The following CTNND2 variants were observed in gnomAD, a reference collection of about 807,000 sequenced individuals.
CTNND2 encodes the protein catenin delta-2.
CTNND2 carries 22 observed loss-of-function variants against 144.4 expected under a neutral mutation model. The ratio of observed to expected loss-of-function variants is 0.15; its 90% CI spans 0.11 to 0.22. The LOEUF (loss-of-function observed/expected upper bound fraction) is 0.22. Ranked by LOEUF, CTNND2 falls within the 10% of genes least tolerant of loss-of-function variation. The pLI is 1.00. For missense variants in CTNND2, 1,353 were observed against 1,618.8 expected, an observed-to-expected ratio of 0.84 and a Z score of 2.82; for synonymous variants, 751 against 695.6, an observed-to-expected ratio of 1.08 and a Z score of -1.25.
intron 5 of CTNND2, 31 bp from the exon 6 acceptor site, chr5:11,397,234 GAC>G: frequency 6.3e-7 from 1 of 1,593,622 alleles, no homozygotes; most frequent in Non-Finnish European, 8.6e-7. Flanking sequence ...AGCAGTCAGT[GAC>G]AGTCTCAGTG....
intron 18 of CTNND2, among the ~76,000 whole-genome samples, chr5:10,995,371 TGAG>T (rs990272023): frequency 1.1e-4 from 16 of 151,748 alleles, no homozygotes; most frequent in African/African-American, 3.4e-4. Context: ...GAGCAATGCG[TGAG>T]GAGGAGAAGG....
intron 1 of CTNND2, among the ~76,000 whole-genome samples, chr5:11,892,753 G>T (rs1396250099): frequency 6.6e-6 from 1 of 151,648 alleles, no homozygotes; most frequent in Non-Finnish European, 1.5e-5. Context: ...TAGCTAAAAT[G>T]ATAAATAACT....
At chr5:11,140,109 T>G (rs1756578197) in intron 12 of CTNND2, among the ~76,000 whole-genome samples, 1 of 152,206 alleles carries the variant, frequency 6.6e-6, no homozygotes, top group African/African-American at 2.4e-5. Context: ...AATTTTCCCT[T>G]GCCATGTAAT....
chr5:11,761,720 GT>G (rs140443520), intron 1 of CTNND2, among the ~76,000 whole-genome samples: 4,752 of 152,218 alleles, frequency 0.031, 104 homozygotes, highest in Non-Finnish European at 0.044. Flanking sequence ...AGGAAACTCT[GT>G]TTTGGCTGTA....
In CTNND2 at chr5:11,856,950, T is replaced by C. The variant is rs540543152; in HGVS notation, c.37+46867A>G. Among the ~76,000 whole-genome samples the C allele has an allele frequency of 2.1e-4, 32 of 152,262 alleles. No individual in the cohort carries two copies. The East Asian group carries it at 2.1e-3, about 10-fold the overall frequency. ...TTATTTATTTTCAAAATTATCAAAT[T>C]CCCAAACAACCCACTTAAATAGTTG... On this transcript the variant is annotated intron_variant, in intron 1 of 21. Coordinates refer to ENST00000304623, the MANE Select transcript of CTNND2 (RefSeq NM_001332.4).
intron 3 of CTNND2, among the ~76,000 whole-genome samples, chr5:11,551,038 C>T (rs1333522977): frequency 6.6e-6 from 1 of 152,126 alleles, no homozygotes; most frequent in East Asian, 1.9e-4. Flanking sequence ...GTAAGGCCAC[C>T]CTCTCTAACG....
chr5:11,337,010 G>T (rs1322524572), intron 9 of CTNND2, among the ~76,000 whole-genome samples: 2 of 152,122 alleles, frequency 1.3e-5, no homozygotes, highest in Non-Finnish European at 2.9e-5. Flanking sequence ...TCCACAACGT[G>T]GGAACCAACT....
Position 11,397,119 on chromosome 5 carries a change from T to C in CTNND2, c.524A>G (p.Asn175Ser), listed in dbSNP as rs1312895219. The change falls in exon 6 of 22, where the codon AAC (asparagine) becomes AGC (serine). Residue 175 changes from asparagine (N) to serine (S), a missense_variant. Asn to Ser is a conservative substitution (Grantham distance 46). Transcript: ENST00000304623. ...GGTTTCCCCCAGGGCCAGGGTCTGG[T>C]TGCTATGGTAGCTGGCCGGATACTG... is the stretch of plus-strand genomic sequence containing the variant. ...SFQYPASYHSNQTLALGETTP... is the reference protein window; with the variant it reads ...SFQYPASYHSSQTLALGETTP... 1 of 1,614,196 alleles carries C rather than the reference T, an allele frequency of 6.2e-7. No individual in the cohort carries two copies. The highest frequency in any genetic ancestry group is 8.5e-7 in the Non-Finnish European group (1 of 1,180,038).
At chr5:11,303,180 G>A (rs373681950) in intron 9 of CTNND2, among the ~76,000 whole-genome samples, 3 of 152,170 alleles carry the variant, frequency 2.0e-5, no homozygotes, top group African/African-American at 4.8e-5. Flanking sequence ...GCAGCTTCTC[G>A]AAAATACAGC....
chr5:11,595,054 C>T (rs775792001), intron 2 of CTNND2, among the ~76,000 whole-genome samples: 17 of 152,112 alleles, frequency 1.1e-4, no homozygotes, highest in Non-Finnish European at 2.4e-4. Flanking sequence ...TTCCAAGGGA[C>T]ACGGGGAAGC....
At chr5:10,985,443 G>A (rs1677451447) in intron 20 of CTNND2, among the ~76,000 whole-genome samples, 1 of 152,220 alleles carries the variant, frequency 6.6e-6, no homozygotes, top group African/African-American at 2.4e-5. Context: ...TCCAGAAAAG[G>A]AGGGTGGGGG....
chr5:11,223,786 C>T (rs1383667402), intron 10 of CTNND2, among the ~76,000 whole-genome samples: 2 of 152,230 alleles, frequency 1.3e-5, no homozygotes, highest in East Asian at 3.9e-4. Flanking sequence ...GGAAAATCTC[C>T]AAGGCCAAGA....
intron 1 of CTNND2, among the ~76,000 whole-genome samples, chr5:11,778,218 A>G (rs1431881641): frequency 1.3e-5 from 2 of 151,884 alleles, no homozygotes; most frequent in Non-Finnish European, 2.9e-5. Context: ...CTTACATCCA[A>G]TCCCATCCTA....
In CTNND2 at chr5:11,903,286, C is replaced by T; in HGVS notation, c.37+531G>A. On this transcript the variant is annotated intron_variant, in intron 1 of 21. Coordinates refer to ENST00000304623, the MANE Select transcript of CTNND2 (RefSeq NM_001332.4). This position sits in a 1 kb window ranked among gnomAD's most constrained non-coding sequence, Gnocchi z 5.4. ...TGCTGGGAAGCCGCTAAATATAGAC[C>T]AAGGGGGCTCAGGGTCTGGCAAGCC... 7.1e-6 allele frequency: 7 copies of T among 985,638 alleles called. No individual in the cohort carries two copies. The highest frequency in any genetic ancestry group is 8.4e-6 in the Non-Finnish European group (7 of 830,142). 61.1% of individuals were successfully genotyped at this position (985,638 alleles called of 1,614,324 possible). A position where few individuals can be genotyped will look rare whatever the true frequency, so the allele number is the denominator to read the frequency against.
chr5:11,530,317 C>T (rs776806362), intron 3 of CTNND2, among the ~76,000 whole-genome samples: 16 of 152,112 alleles, frequency 1.1e-4, no homozygotes, highest in Non-Finnish European at 2.2e-4. Context: ...GCCTCGATAA[C>T]CATCACGCAG....
chr5:11,292,004 T>C (rs974325164), intron 9 of CTNND2, among the ~76,000 whole-genome samples: 1 of 152,142 alleles, frequency 6.6e-6, no homozygotes. Flanking sequence ...TGCTCCTCCT[T>C]TTGAGTTTCT....
chr5:11,244,299 T>C (rs1742756571), intron 9 of CTNND2, among the ~76,000 whole-genome samples: 1 of 148,980 alleles, frequency 6.7e-6, no homozygotes, highest in African/African-American at 2.5e-5. Context: ...TTTTTTTTTT[T>C]TTTTTGAGAC....
chr5:11,857,249 G>C (rs899123550), intron 1 of CTNND2, among the ~76,000 whole-genome samples: 1 of 152,166 alleles, frequency 6.6e-6, no homozygotes, highest in Non-Finnish European at 1.5e-5. Flanking sequence ...CGTTGGAAAA[G>C]AGTCCGGGAT....
intron 9 of CTNND2, among the ~76,000 whole-genome samples, chr5:11,336,750 T>A (rs1465464716): frequency 6.6e-6 from 1 of 152,240 alleles, no homozygotes; most frequent in African/African-American, 2.4e-5. Flanking sequence ...ACAAATTATG[T>A]GTGTATATGT....
Sources: gnomAD v4.1 joint callset for allele counts (sites outside exome capture counted in the v4.1 genomes callset) on GRCh38, gnomAD v4.1.1 for gene constraint, Gnocchi (gnomAD v3.1) non-coding constraint, MANE v1.5 for transcripts, NCBI Gene and HGNC (gene_info 2026-07-23, HGNC 2026-07-21) for gene names.